The following MOCS1 variants were observed in gnomAD, a reference collection of about 807,000 sequenced individuals.
The protein encoded by MOCS1 is molybdenum cofactor biosynthesis protein 1.
Under a neutral mutation model 57.6 loss-of-function variants are expected in MOCS1, and 39 were observed. The observed-to-expected ratio is 0.68, with a 90% CI of 0.52 to 0.88. The LOEUF (loss-of-function observed/expected upper bound fraction) is 0.88. Among genes scored for constraint, MOCS1 ranks in the 40% least tolerant of loss-of-function variants. The pLI is 0.00. For synonymous variants in MOCS1, 334 were observed against 335.7 expected (o/e 1.00, Z 0.05); for missense variants, 795 against 831.1 (o/e 0.96, Z 0.53).
In MOCS1 at chr6:39,906,944, A is replaced by G; in HGVS notation, c.1324T>C (p.Ser442Pro). The G allele has an allele frequency of 6.2e-7, 1 of 1,613,834 alleles. No individual in the cohort carries two copies. Among genetic ancestry groups the G allele is most frequent in the Non-Finnish European group, 8.5e-7 (1 of 1,179,962 alleles). The change falls in exon 11 of 11, where the codon TCT becomes CCT. Residue 442 changes from serine to proline, a missense_variant. By Grantham distance (74) the Ser-to-Pro change is moderately conservative (BLOSUM62 -1). Transcript: ENST00000340692. ...TPPLAQQRLGSGSFQRHYTSR... is the reference protein window; with the variant it reads ...TPPLAQQRLGPGSFQRHYTSR... ...GTGTAGTGTCTCTGAAAGGAGCCAG[A>G]CCCCAGCCGCTGCTGGGCTAGAGGA...
At chr6:39,911,368 C>T (rs989545263) in intron 8 of MOCS1, among the ~76,000 whole-genome samples, 1 of 152,154 alleles carries the variant, frequency 6.6e-6, no homozygotes, top group African/African-American at 2.4e-5. Context: ...TTGATGCCTT[C>T]CTCCTCTCCT....
intron 2 of MOCS1, chr6:39,927,105 C>G (rs1269563144): frequency 1.8e-6 from 1 of 555,668 alleles, no homozygotes; most frequent in Non-Finnish European, 3.2e-6. Context: ...TTTATGTTTT[C>G]AAATCTAATT....
chr6:39,907,622 T>C (rs1767041612), intron 10 of MOCS1, among the ~76,000 whole-genome samples: 1 of 152,206 alleles, frequency 6.6e-6, no homozygotes. Flanking sequence ...TAAATGTTTT[T>C]CAAGTCCCCT....
Position 39,925,858 on chromosome 6 carries a change from TGAATGG to T in MOCS1, c.251-19_251-14del. The T allele has an allele frequency of 3.7e-6, 6 of 1,603,460 alleles. No individual in the cohort carries two copies. The highest frequency in any genetic ancestry group is 5.1e-6 in the Non-Finnish European group (6 of 1,173,330). ...ATGCAGTACTGACCTGAGGGAAGGA[TGAATGG>T]GAATGTGGAGGGAGGAAAGAGGCAC... is the stretch of plus-strand genomic sequence containing the variant. On this transcript the variant is annotated splice_polypyrimidine_tract_variant and intron_variant, in intron 2 of 10. Coordinates refer to ENST00000340692, the MANE Select transcript of MOCS1 (RefSeq NM_001358530.2).
chr6:39,906,128 A>C lies in MOCS1; in HGVS notation c.*229T>G. On this transcript the variant is annotated 3_prime_UTR_variant, in exon 11 of 11. Coordinates refer to ENST00000340692, the MANE Select transcript of MOCS1 (RefSeq NM_001358530.2). ...CGCTCCCACGACCTTAGTGTCCTGG[A>C]AGGCTTAAGGGCCTGCTGGTATCCT... 1.5e-6 allele frequency: 1 copy of C among 686,472 alleles called. No individual in the cohort carries two copies. 42.5% of individuals were successfully genotyped at this position (686,472 alleles called of 1,614,324 possible).
rs1002080899 is a variant in MOCS1, at chr6:39,909,731, C to T, written c.1102+104G>A. ...GGATGATGCTGACTCTCGCCAGCTT[C>T]CCCCTAGGTGTTCCTTGGTCATCTC... On this transcript the variant is annotated intron_variant, in intron 9 of 10. Transcript: ENST00000340692. The T allele has an allele frequency of 6.6e-6, 10 of 1,514,416 alleles. No homozygotes were observed. The African/African-American group carries it at 9.6e-5, about 14-fold the overall frequency. The allele number at this position is 1,514,416 out of a possible 1,614,324, so 93.8% of individuals were successfully genotyped here.
intron 3 of MOCS1, among the ~76,000 whole-genome samples, chr6:39,918,434 T>A (rs907541834): frequency 6.6e-6 from 1 of 152,232 alleles, no homozygotes; most frequent in Non-Finnish European, 1.5e-5. Context: ...AAGTTGTACA[T>A]GAATTTTTAA....
chr6:39,905,110 G>GGGGA lies in MOCS1; in HGVS notation c.*1243_*1246dup, dbSNP rs1562077975. The GGGGA allele has an allele frequency of 6.6e-6, 3 of 454,584 alleles. No individual in the cohort carries two copies. Among genetic ancestry groups the GGGGA allele is most frequent in the Non-Finnish European group, 1.3e-5 (3 of 226,916 alleles). 28.2% of individuals were successfully genotyped at this position (454,584 alleles called of 1,614,324 possible). A position where few individuals can be genotyped will look rare whatever the true frequency, so the allele number is the denominator to read the frequency against. On this transcript the variant is annotated 3_prime_UTR_variant, in exon 11 of 11. Coordinates refer to ENST00000340692, the MANE Select transcript of MOCS1 (RefSeq NM_001358530.2). The stretch of plus-strand genomic sequence containing the variant: ...CCAGCACACCTTGGCATAGGGCAGA[G>GGGGA]GGGAGGCAGGCAGGGGGCACCACTG...
chr6:39,929,396 T>C (rs971326709), intron 1 of MOCS1, among the ~76,000 whole-genome samples: 2 of 152,076 alleles, frequency 1.3e-5, no homozygotes, highest in African/African-American at 2.4e-5. Flanking sequence ...TACCTGGGAA[T>C]CTGGATGTAT....
intron 10 of MOCS1, among the ~76,000 whole-genome samples, chr6:39,908,097 A>G (rs1767067946): frequency 1.3e-5 from 2 of 152,154 alleles, no homozygotes; most frequent in Non-Finnish European, 2.9e-5. Flanking sequence ...TGGGGGTGGG[A>G]GGAGAGGAGA....
rs1766773788 is a variant in MOCS1, at chr6:39,905,101, TAGGGCAG to T, written c.*1249_*1255del. 2.2e-6 allele frequency: 1 copy of T among 454,550 alleles called. No homozygotes were observed. The highest frequency in any genetic ancestry group is 4.4e-6 in the Non-Finnish European group (1 of 226,904). 28.2% of individuals were successfully genotyped at this position (454,550 alleles called of 1,614,324 possible). A position where few individuals can be genotyped will look rare whatever the true frequency, so the allele number is the denominator to read the frequency against. On this transcript the variant is annotated 3_prime_UTR_variant, in exon 11 of 11. Transcript: ENST00000340692. ...TAATATTTGCCAGCACACCTTGGCA[TAGGGCAG>T]AGGGGAGGCAGGCAGGGGGCACCAC...
intron 7 of MOCS1, 104 bp from the exon 8 acceptor site, chr6:39,912,478 C>A (rs1767393301): frequency 2.4e-6 from 2 of 837,762 alleles, no homozygotes; most frequent in Non-Finnish European, 4.1e-6. Flanking sequence ...AACCCTCTCC[C>A]AGAGGACCCC....
chr6:39,920,293 T>C (rs76722598), intron 3 of MOCS1, among the ~76,000 whole-genome samples: 1 of 152,300 alleles, frequency 6.6e-6, no homozygotes, highest in South Asian at 2.1e-4. Context: ...TGGGAGGTCA[T>C]TTGGCAGGAT....
intron 1 of MOCS1, among the ~76,000 whole-genome samples, chr6:39,929,264 C>T (rs1454430920): frequency 6.6e-6 from 1 of 152,170 alleles, no homozygotes; most frequent in East Asian, 1.9e-4. Context: ...CTTCCTCCCT[C>T]CCTGCGGTAT....
At position 39,927,417 on chromosome 6, in the gene MOCS1, C is replaced by T. The variant is rs200316862; in HGVS notation, c.162G>A (p.Ala54=). The T allele has an allele frequency of 1.2e-4, 189 of 1,612,412 alleles. No homozygotes were observed. The East Asian group carries it at 3.3e-3, about 29-fold the overall frequency. ...CTGTGAGGAAGGCGGAGAAGGGGGC[C>T]GCATGCTCCCGCAGGAACTGCCTCC... ...SRRRQFLREH[A]APFSAFLTDS... The change falls in exon 2 of 11, where the codon GCG becomes GCA. Residue 54 remains alanine (A), a synonymous_variant. Transcript: ENST00000340692.
In MOCS1 at chr6:39,906,873, A is replaced by G; in HGVS notation, c.1395T>C (p.Gly465=). ...SDANSKCLSP[G]SWASAAPSGP... ...CTGAGGGGGCAGCAGAAGCCCAGGA[A>G]CCTGGGCTAAGGCACTTTGAGTTGG... Residue 465 remains glycine, a synonymous_variant, in exon 11 of 11, where the codon GGT becomes GGC. Transcript: ENST00000340692. 1 of 1,614,134 alleles carries G rather than the reference A, an allele frequency of 6.2e-7. No homozygotes were observed. Among genetic ancestry groups the G allele is most frequent in the Non-Finnish European group, 8.5e-7 (1 of 1,180,016 alleles).
In MOCS1 at chr6:39,913,174, G is replaced by C. The variant is rs548764399; in HGVS notation, c.757+143C>G. The C allele has an allele frequency of 9.1e-6, 8 of 883,450 alleles. No homozygotes were observed. The African/African-American group carries it at 9.8e-5, about 11-fold the overall frequency. 54.7% of individuals were successfully genotyped at this position (883,450 alleles called of 1,614,324 possible). ...TGGTGGATTGAATCACATCCACAGC[G>C]GGCTCCGAGAAGCCACCAACAGCCC... On this transcript the variant is annotated intron_variant, in intron 6 of 10. Coordinates refer to ENST00000340692, the MANE Select transcript of MOCS1 (RefSeq NM_001358530.2).
intron 8 of MOCS1, among the ~76,000 whole-genome samples, chr6:39,910,373 C>T (rs1767251223): frequency 6.6e-6 from 1 of 152,274 alleles, no homozygotes; most frequent in East Asian, 1.9e-4. Flanking sequence ...ACACACATCC[C>T]ATTTCACCTC....
At chr6:39,927,550 T>G in intron 1 of MOCS1, 95 bp from the exon 2 acceptor site, 1 of 1,611,170 alleles carries the variant, frequency 6.2e-7, no homozygotes, top group Admixed American at 1.7e-5. Flanking sequence ...TACTCTGACA[T>G]CTGTGCGGAG....
Sources: allele counts gnomAD v4.1 joint callset (sites outside exome capture counted in the v4.1 genomes callset), GRCh38; gene constraint gnomAD v4.1.1; transcripts MANE v1.5; gene names NCBI Gene and HGNC (gene_info 2026-07-23, HGNC 2026-07-21).